EYS: variants seen among roughly 807,000 people sequenced by gnomAD.
The protein encoded by EYS is protein eyes shut homolog.
A neutral mutation model predicts 282.1 loss-of-function variants in EYS; 250 were observed. That is an observed-to-expected ratio of 0.89 (90% confidence interval 0.80 to 0.98). The LOEUF (loss-of-function observed/expected upper bound fraction) is 0.98. Among genes scored for constraint, EYS ranks in the 50% least tolerant of loss-of-function variants. The pLI is 0.00. For synonymous variants in EYS, 1,355 were observed against 1,282.9 expected (o/e 1.06, Z -1.20); for missense variants, 4,016 against 3,709.0 (o/e 1.08, Z -2.15).
chr6:64,386,492 C>G (rs1240387094), intron 29 of EYS, among the ~76,000 whole-genome samples: 1 of 152,128 alleles, frequency 6.6e-6, no homozygotes. Flanking sequence ...GTATGGGGAA[C>G]AGAACTACCC....
At chr6:64,936,437 G>C (rs1048827775) in intron 15 of EYS, among the ~76,000 whole-genome samples, 1 of 151,420 alleles carries the variant, frequency 6.6e-6, no homozygotes, top group Non-Finnish European at 1.5e-5. Context: ...TGTACTGGAA[G>C]TTGTTGGGAT....
chr6:63,838,988 C>T (rs1218263107), intron 36 of EYS, among the ~76,000 whole-genome samples: 2 of 152,116 alleles, frequency 1.3e-5, no homozygotes, highest in Non-Finnish European at 2.9e-5. Flanking sequence ...TATTTTAATA[C>T]ATATAGGCAA....
chr6:65,622,712 C>A (rs927757400), intron 2 of EYS, among the ~76,000 whole-genome samples: 1 of 151,582 alleles, frequency 6.6e-6, no homozygotes, highest in East Asian at 1.9e-4. Flanking sequence ...AGAGTAAGAC[C>A]ACATTTTTAA....
chr6:64,334,333 C>T lies in EYS; in HGVS notation c.6079-27251G>A, dbSNP rs572548183. Among the ~76,000 whole-genome samples the T allele has an allele frequency of 2.6e-5, 4 of 152,166 alleles. No individual in the cohort carries two copies. The East Asian group carries it at 7.7e-4, about 29-fold the overall frequency. ...AATAAGGCCATCCTTTTTCCTACTC[C>T]CACTGCAGCAAGGGGAAGATCTAAG... On this transcript the variant is annotated intron_variant, in intron 29 of 42. Transcript: ENST00000503581.
At chr6:65,369,599 A>G (rs1056462027) in intron 8 of EYS, among the ~76,000 whole-genome samples, 1 of 150,754 alleles carries the variant, frequency 6.6e-6, no homozygotes, top group Admixed American at 6.8e-5. Flanking sequence ...TTTTCTTACT[A>G]TTTTCCACTT....
At chr6:65,333,508 G>A (rs907706066) in intron 11 of EYS, among the ~76,000 whole-genome samples, 1 of 151,576 alleles carries the variant, frequency 6.6e-6, no homozygotes, top group African/African-American at 2.4e-5. Context: ...AGGTTATTCT[G>A]CTGTTGTTGG....
chr6:64,099,998 T>A (rs1772770368), intron 31 of EYS, among the ~76,000 whole-genome samples: 1 of 152,220 alleles, frequency 6.6e-6, no homozygotes, highest in African/African-American at 2.4e-5. Context: ...AATTTCCTTT[T>A]CAAGATGCTA....
chr6:64,650,038 AC>A (rs1343125637), intron 22 of EYS, among the ~76,000 whole-genome samples: 3 of 152,124 alleles, frequency 2.0e-5, no homozygotes, highest in African/African-American at 7.2e-5. Flanking sequence ...TTGATATCTA[AC>A]AAAATTTCAC....
At chr6:63,998,257 A>C (rs1254938049) in intron 34 of EYS, among the ~76,000 whole-genome samples, 1 of 152,192 alleles carries the variant, frequency 6.6e-6, no homozygotes, top group Non-Finnish European at 1.5e-5. Context: ...GTTCTTGCAG[A>C]TATTGAATGA....
At chr6:65,214,834 C>T (rs1164901111) in intron 12 of EYS, among the ~76,000 whole-genome samples, 1 of 152,076 alleles carries the variant, frequency 6.6e-6, no homozygotes, top group Non-Finnish European at 1.5e-5. Flanking sequence ...TCTGAAAACC[C>T]TGGGGGCCTT....
chr6:65,191,573 T>C (rs999592938), intron 12 of EYS, among the ~76,000 whole-genome samples: 2 of 151,834 alleles, frequency 1.3e-5, no homozygotes, highest in Admixed American at 1.3e-4. Context: ...TTTGCAAATT[T>C]ACATGAGATG....
chr6:63,836,838 G>A (rs995118606), intron 36 of EYS, among the ~76,000 whole-genome samples: 1 of 152,012 alleles, frequency 6.6e-6, no homozygotes, highest in African/African-American at 2.4e-5. Flanking sequence ...TAAATATTTA[G>A]TAGTCTGCTA....
At chr6:64,225,222 T>C (rs1766221214) in intron 31 of EYS, among the ~76,000 whole-genome samples, 1 of 152,154 alleles carries the variant, frequency 6.6e-6, no homozygotes, top group Non-Finnish European at 1.5e-5. Context: ...ATCCACTCAA[T>C]AGGTTTCCTT....
intron 5 of EYS, among the ~76,000 whole-genome samples, chr6:65,482,226 G>C (rs1375139573): frequency 1.3e-5 from 2 of 152,110 alleles, no homozygotes. Context: ...ATAAACACCT[G>C]CCTATTCAAT....
At chr6:65,273,777 G>A (rs1271608009) in intron 12 of EYS, among the ~76,000 whole-genome samples, 1 of 152,090 alleles carries the variant, frequency 6.6e-6, no homozygotes, top group Admixed American at 6.6e-5. Context: ...GCTTCTGTAG[G>A]TCTGCTTATA....
In EYS at chr6:65,201,900, G is replaced by T. The variant is rs74508373; in HGVS notation, c.2023+93963C>A. ...AGCCGAGGCAGGTACATCATTTGAG[G>T]CCAGGAGTTTGAGGCCAGCCTGGGC... is the stretch of plus-strand genomic sequence containing the variant. On this transcript the variant is annotated intron_variant, in intron 12 of 42. Coordinates refer to ENST00000503581, the MANE Select transcript of EYS (RefSeq NM_001142800.2). Among the ~76,000 whole-genome samples, 416 of 152,052 alleles carry T rather than the reference G, an allele frequency of 2.7e-3. 6 individuals carry two copies. Among genetic ancestry groups the T allele is most frequent in the Middle Eastern group, 0.01 (3 of 292 alleles).
intron 2 of EYS, among the ~76,000 whole-genome samples, chr6:65,522,313 A>G (rs1172873972): frequency 6.6e-6 from 1 of 152,204 alleles, no homozygotes; most frequent in African/African-American, 2.4e-5. Context: ...TAAATGAGAA[A>G]TTAGTGGGCC....
intron 1 of EYS, among the ~76,000 whole-genome samples, chr6:65,680,633 C>G (rs1222352294): frequency 6.6e-6 from 1 of 151,938 alleles, no homozygotes; most frequent in Non-Finnish European, 1.5e-5. Flanking sequence ...TTAAAGACTG[C>G]AATTTGTTTA....
chr6:64,046,886 A>AGGACAG (rs1169672242), intron 33 of EYS, among the ~76,000 whole-genome samples: 1 of 152,076 alleles, frequency 6.6e-6, no homozygotes, highest in African/African-American at 2.4e-5. Flanking sequence ...ATTCTCTTTG[A>AGGACAG]AGTTTGTAGG....
Sources: allele counts gnomAD v4.1 joint callset (sites outside exome capture counted in the v4.1 genomes callset), GRCh38; gene constraint gnomAD v4.1.1; transcripts MANE v1.5; gene names NCBI Gene and HGNC (gene_info 2026-07-23, HGNC 2026-07-21).